The following COL5A3 variants were observed in gnomAD, a reference collection of about 807,000 sequenced individuals.
COL5A3 encodes collagen alpha-3(V) chain.
In COL5A3, 172 loss-of-function variants were observed where a neutral mutation model predicts 250.0. The ratio of observed to expected loss-of-function variants is 0.69; its 90% CI spans 0.61 to 0.78. COL5A3 has a LOEUF of 0.78. Ranked by LOEUF, COL5A3 falls within the 30% of genes least tolerant of loss-of-function variation. The pLI, the probability that COL5A3 is intolerant of heterozygous loss-of-function variation, is 0.00. For missense variants in COL5A3, 2,340 were observed against 2,334.4 expected (o/e 1.00, Z -0.05); for synonymous variants, 937 against 900.4 (o/e 1.04, Z -0.73).
At position 9,968,099 on chromosome 19, in the gene COL5A3, T is replaced by A; in HGVS notation, c.4315-20A>T. The A allele has an allele frequency of 1.3e-6, 2 of 1,585,272 alleles. No individual in the cohort carries two copies. Among genetic ancestry groups the A allele is most frequent in the Non-Finnish European group, 1.7e-6 (2 of 1,171,444 alleles). On this transcript the variant is annotated intron_variant, in intron 59 of 66. Coordinates refer to ENST00000264828, the MANE Select transcript of COL5A3 (RefSeq NM_015719.4). The surrounding 1 kb of genome is among the most constrained non-coding windows in gnomAD (Gnocchi z 4.1). Reference sequence around the variant, plus strand: ...GGGACCCTAGGAAAAGGACATCGGGTCAGTATTGGTGGGGTACACCCTATT... The same window carrying A: ...GGGACCCTAGGAAAAGGACATCGGGACAGTATTGGTGGGGTACACCCTATT...
intron 65 of COL5A3, among the ~76,000 whole-genome samples, chr19:9,961,267 A>G (rs2086668521): frequency 6.6e-6 from 1 of 152,136 alleles, no homozygotes; most frequent in Non-Finnish European, 1.5e-5. Context: ...GCCCTGTCCA[A>G]TATGGCAGCC....
intron 31 of COL5A3, among the ~76,000 whole-genome samples, chr19:9,983,731 G>C (rs911395319): frequency 6.6e-6 from 1 of 150,818 alleles, no homozygotes; most frequent in Non-Finnish European, 1.5e-5. Flanking sequence ...AAAGAAAAAA[G>C]AGGGGGACGC....
At chr19:9,966,240 C>G (rs1480268377) in intron 64 of COL5A3, 74 bp downstream of exon 64, 3 of 1,113,184 alleles carry the variant, frequency 2.7e-6, no homozygotes, top group Non-Finnish European at 4.0e-6. Flanking sequence ...ACGTCCCAGA[C>G]AAGGTGGTTG....
chr19:9,991,919 G>T, intron 22 of COL5A3, 78 bp from the exon 23 acceptor site: 1 of 1,569,014 alleles, frequency 6.4e-7, no homozygotes, highest in Non-Finnish European at 8.8e-7. Flanking sequence ...CTTGGGGGGG[G>T]TCAGTCATGG....
In COL5A3 at chr19:9,971,039, G is replaced by T; in HGVS notation, c.3829-11C>A. ...GGAACCATCTATGCCCTGCATGGGG[G>T]GAAGACAGAGTTGGGAGGGGTGATG... is the stretch of plus-strand genomic sequence containing the variant. On this transcript the variant is annotated splice_polypyrimidine_tract_variant and intron_variant, in intron 52 of 66. Transcript: ENST00000264828. The T allele has an allele frequency of 6.6e-7, 1 of 1,512,730 alleles. No homozygotes were observed. The highest frequency in any genetic ancestry group is 8.8e-7 in the Non-Finnish European group (1 of 1,135,358). 93.7% of individuals were successfully genotyped at this position (1,512,730 alleles called of 1,614,324 possible).
At chr19:9,980,960 C>T in intron 33 of COL5A3, 101 bp from the exon 34 acceptor site, 1 of 1,500,364 alleles carries the variant, frequency 6.7e-7, no homozygotes, top group Non-Finnish European at 9.2e-7. Flanking sequence ...ACTCCCTCTC[C>T]TGCCCGACCA....
chr19:9,977,832 C>T, intron 41 of COL5A3, 131 bp from the exon 42 acceptor site: 1 of 633,266 alleles, frequency 1.6e-6, no homozygotes, highest in Non-Finnish European at 2.4e-6. Flanking sequence ...CCTGCAGCAG[C>T]CAGAGGGTGC....
chr19:9,982,189 C>T (rs917468386), intron 31 of COL5A3, 71 bp from the exon 32 acceptor site: 3 of 1,063,638 alleles, frequency 2.8e-6, no homozygotes, highest in Admixed American at 2.4e-5. Flanking sequence ...GCCCCTCATA[C>T]CATCCTTTGA....
intron 1 of COL5A3, among the ~76,000 whole-genome samples, chr19:10,008,450 G>GGC (rs1331846217): frequency 1.4e-5 from 2 of 142,862 alleles, no homozygotes; most frequent in African/African-American, 6.1e-5. Flanking sequence ...AGGGGTGGGG[G>GGC]GGTCTGTCAG....
intron 61 of COL5A3, 114 bp downstream of exon 61, chr19:9,967,790 C>G (rs966924157): frequency 9.3e-7 from 1 of 1,069,612 alleles, no homozygotes; most frequent in Non-Finnish European, 1.3e-6. Flanking sequence ...ATTTGTCGAA[C>G]GCACGATTGC....
chr19:9,964,173 A>C (rs554862070), intron 64 of COL5A3, among the ~76,000 whole-genome samples: 1 of 151,728 alleles, frequency 6.6e-6, no homozygotes, highest in African/African-American at 2.4e-5. Flanking sequence ...ACTATGTCTC[A>C]AAAGAACAAA....
chr19:9,984,942 A>ATTTTTTTTTTTTTTTTTTT (rs71188874), intron 31 of COL5A3, among the ~76,000 whole-genome samples: 5 of 83,008 alleles, frequency 6.0e-5, no homozygotes, highest in African/African-American at 2.0e-4. Flanking sequence ...CATCTGGCTA[A>ATTTTTTTTTTTTTTTTTTT]TTTTTTTTTT....
rs1480951251 is a variant in COL5A3 at position 9,992,024 on chromosome 19, G to A, written c.1873C>T (p.Pro625Ser). The A allele has an allele frequency of 1.9e-6, 3 of 1,613,800 alleles. No individual in the cohort carries two copies. The highest frequency in any genetic ancestry group is 1.6e-4 in the Middle Eastern group (1 of 6,062). The change falls in exon 22 of 67, where the codon CCT (proline) becomes TCT (serine). Residue 625 changes from proline to serine, a missense_variant. By Grantham distance (74) the Pro-to-Ser change is moderately conservative (BLOSUM62 -1). Around this residue, in one of 3 missense-constraint regions of COL5A3, gnomAD observed 1,152 missense variants for 1,146.3 expected, o/e 1.00. Coordinates refer to ENST00000264828, the MANE Select transcript of COL5A3 (RefSeq NM_015719.4). ...CATACCACATTGCCTTTGGCACCAG[G>A]AGCACCATCAATTCCAGTCACACCC... ...RPGVTGIDGAPGAKGNVGPPG... is the reference protein window; with the variant it reads ...RPGVTGIDGASGAKGNVGPPG...
intron 38 of COL5A3, 48 bp from the exon 39 acceptor site, chr19:9,979,287 C>T (rs568767030): frequency 5.6e-6 from 9 of 1,599,676 alleles, no homozygotes; most frequent in Admixed American, 1.7e-5. Flanking sequence ...CTAGGGGAGT[C>T]GCTCAGGAGT....
intron 1 of COL5A3, among the ~76,000 whole-genome samples, chr19:10,008,552 C>T (rs549102575): frequency 3.3e-5 from 5 of 152,026 alleles, no homozygotes; most frequent in African/African-American, 4.8e-5. Flanking sequence ...GGGACAGAGG[C>T]GGGGACTGAG....
intron 21 of COL5A3, 88 bp downstream of exon 21, chr19:9,992,739 C>T (rs527610407): frequency 2.2e-5 from 30 of 1,340,296 alleles, no homozygotes; most frequent in South Asian, 7.3e-5. Flanking sequence ...ATCTCGCCAC[C>T]GCACTCCAGC....
rs1268826892 is a variant in COL5A3, at chr19:9,993,071, T to C, written c.1750-4A>G. ...GCCCTGGAGGTCCCTCTGCTCCCTGTGGAAAAGCGTCATTACTTGGGAACA... is the reference window on the plus strand; with the variant it reads ...GCCCTGGAGGTCCCTCTGCTCCCTGCGGAAAAGCGTCATTACTTGGGAACA... On this transcript the variant is annotated splice_polypyrimidine_tract_variant and splice_region_variant and intron_variant, in intron 19 of 66. Transcript: ENST00000264828. 6.2e-7 allele frequency: 1 copy of C among 1,613,774 alleles called. No individual in the cohort carries two copies. The highest frequency in any genetic ancestry group is 1.1e-5 in the South Asian group (1 of 91,046).
intron 6 of COL5A3, among the ~76,000 whole-genome samples, chr19:10,002,171 T>C (rs1599228481): frequency 6.6e-6 from 1 of 151,852 alleles, no homozygotes; most frequent in Non-Finnish European, 1.5e-5. Context: ...CTAGCCCACA[T>C]GTCCTCTCCC....
intron 33 of COL5A3, 41 bp from the exon 34 acceptor site, chr19:9,980,900 G>T (rs755637297): frequency 1.3e-6 from 2 of 1,579,084 alleles, no homozygotes; most frequent in Non-Finnish European, 1.7e-6. Flanking sequence ...ATGAGGGGGT[G>T]GGGGAGCCTG....
Sources: gnomAD v4.1 joint callset for allele counts (sites outside exome capture counted in the v4.1 genomes callset) on GRCh38, gnomAD v4.1.1 for gene constraint, gnomAD v4.1.1 regional missense constraint, Gnocchi (gnomAD v3.1) non-coding constraint, MANE v1.5 for transcripts, NCBI Gene and HGNC (gene_info 2026-07-23, HGNC 2026-07-21) for gene names.